Variants in MACF1 observed in about 807,000 individuals in gnomAD.
MACF1 encodes microtubule actin crosslinking factor 1.
MACF1 carries 193 observed loss-of-function variants against 854.8 expected under a neutral mutation model. The ratio of observed to expected loss-of-function variants is 0.23; its 90% CI spans 0.20 to 0.25. MACF1 has a LOEUF of 0.25. MACF1 is among the 10% of genes least tolerant of loss of function. The pLI, the probability that MACF1 is intolerant of heterozygous loss-of-function variation, is 1.00. For missense variants in MACF1, 7,722 were observed against 8,929.1 expected, an observed-to-expected ratio of 0.86 and a Z score of 5.45; for synonymous variants, 3,185 against 3,226.7, an observed-to-expected ratio of 0.99 and a Z score of 0.44.
chr1:39,108,712 A>G (rs934735132), intron 2 of MACF1, among the ~76,000 whole-genome samples: 2 of 152,160 alleles, frequency 1.3e-5, no homozygotes, highest in Non-Finnish European at 2.9e-5. Flanking sequence ...CAGGTCACAT[A>G]TGAGCATAGT....
At chr1:39,288,516 C>T (rs1392100405) in intron 15 of MACF1, among the ~76,000 whole-genome samples, 2 of 145,202 alleles carry the variant, frequency 1.4e-5, no homozygotes, top group African/African-American at 5.0e-5. Flanking sequence ...AAAAAAAGTA[C>T]AGGCTGGGCG....
intron 58 of MACF1, among the ~76,000 whole-genome samples, chr1:39,403,851 G>A (rs951237732): frequency 6.6e-6 from 1 of 151,744 alleles, no homozygotes; most frequent in African/African-American, 2.4e-5. Context: ...CGGGGGGGCC[G>A]GGCTTCGTGG....
chr1:39,469,759 ACTC>A lies in MACF1; in HGVS notation c.21958+145_21958+147del, dbSNP rs1170339668. On this transcript the variant is annotated intron_variant, in intron 97 of 100. Coordinates refer to ENST00000564288, the MANE Select transcript of MACF1 (RefSeq NM_001394062.1). ...TGGCCAAACCATAGCTTTTCTAACTACTCAAGTTGATGGTGCATAAAATACTGT... is the reference window on the plus strand; with the variant it reads ...TGGCCAAACCATAGCTTTTCTAACTAAAGTTGATGGTGCATAAAATACTGT... 3 of 666,920 alleles carry A rather than the reference ACTC, an allele frequency of 4.5e-6. No homozygotes were observed. The African/African-American group carries it at 5.4e-5, about 12-fold the overall frequency. The allele number at this position is 666,920 out of a possible 1,614,324, so 41.3% of individuals were successfully genotyped here.
At chr1:39,285,475 C>T (rs571438009) in intron 13 of MACF1, 85 bp downstream of exon 13, 13 of 1,524,558 alleles carry the variant, frequency 8.5e-6, no homozygotes, top group Non-Finnish European at 1.1e-5. Context: ...AGTTAGCAAT[C>T]GAGGAATCCA....
intron 2 of MACF1, among the ~76,000 whole-genome samples, chr1:39,178,112 G>T (rs1644055430): frequency 6.7e-6 from 1 of 150,320 alleles, no homozygotes; most frequent in East Asian, 2.0e-4. Flanking sequence ...GGTTATATTT[G>T]TGTCCTCAGT....
intron 5 of MACF1, chr1:39,257,526 TCTC>T (rs1645111177): frequency 1.2e-5 from 2 of 164,256 alleles, no homozygotes; most frequent in African/African-American, 4.8e-5. Context: ...ATGGTCTCGA[TCTC>T]CTGACCTCGT....
Position 39,435,695 on chromosome 1 carries a change from C to A in MACF1, c.17922C>A (p.Ala5974=). 6.2e-7 allele frequency: 1 copy of A among 1,614,026 alleles called. No individual in the cohort carries two copies. The highest frequency in any genetic ancestry group is 1.1e-5 in the South Asian group (1 of 91,070). Residue 5974 remains alanine (A), a synonymous_variant, in exon 70 of 101, where the codon GCC becomes GCA. Coordinates refer to ENST00000564288, the MANE Select transcript of MACF1 (RefSeq NM_001394062.1). ...EKYQKAENMY[A]QIKEEVRQRA... ...ACCAGAAAGCAGAAAACATGTATGC[C>A]CAAATAAAGGAGGAGGTGCGCCAGC...
intron 58 of MACF1, chr1:39,414,379 G>A (rs906560309): frequency 8.1e-6 from 13 of 1,613,862 alleles, no homozygotes; most frequent in African/African-American, 5.3e-5. Context: ...GATCAAGGAG[G>A]ACCTTGATTC....
In MACF1 at chr1:39,310,878, A is replaced by C; in HGVS notation, c.3148A>C (p.Asn1050His). The C allele has an allele frequency of 1.2e-6, 2 of 1,614,144 alleles. No homozygotes were observed. The highest frequency in any genetic ancestry group is 1.7e-6 in the Non-Finnish European group (2 of 1,180,002). Residue 1050 changes from asparagine to histidine, a missense_variant, in exon 26 of 101, where the codon AAC becomes CAC. Physicochemically the swap from Asn to His is moderately conservative, Grantham distance 68. Coordinates refer to ENST00000564288, the MANE Select transcript of MACF1 (RefSeq NM_001394062.1). ...CAAGATGTACATTTCAGAGTTGAAG[A>C]ACATCCGGCTACGCCTGGAGGAGTA... ...VAKMYISELK[N>H]IRLRLEEYEQ...
intron 58 of MACF1, among the ~76,000 whole-genome samples, chr1:39,389,389 T>C (rs1641942966): frequency 1.4e-5 from 2 of 138,110 alleles, no homozygotes; most frequent in South Asian, 2.4e-4. Context: ...AGACAGAGTC[T>C]TGCTCTGTAG....
chr1:39,226,531 G>A (rs1457480621), intron 1 of MACF1, among the ~76,000 whole-genome samples: 1 of 152,036 alleles, frequency 6.6e-6, no homozygotes, highest in Admixed American at 6.6e-5. Flanking sequence ...AGTAGAGACG[G>A]GGTTTTACTA....
intron 56 of MACF1, among the ~76,000 whole-genome samples, chr1:39,382,571 G>T (rs1309972878): frequency 1.3e-5 from 2 of 151,820 alleles, no homozygotes; most frequent in African/African-American, 2.4e-5. Context: ...AGGCGTGGTG[G>T]CATGTGCCTG....
chr1:39,382,690 A>G (rs567542695), intron 56 of MACF1, among the ~76,000 whole-genome samples: 4 of 140,512 alleles, frequency 2.8e-5, no homozygotes, highest in African/African-American at 1.3e-4. Context: ...TCAAAAAAAA[A>G]AAAAATTTTT....
chr1:39,382,675 C>T (rs6668369), intron 56 of MACF1, among the ~76,000 whole-genome samples: 1 of 148,314 alleles, frequency 6.7e-6, no homozygotes, highest in Admixed American at 6.6e-5. Flanking sequence ...GAGCGTGACT[C>T]CGTCTCAAAA....
At chr1:39,154,204 A>C (rs983228157) in intron 2 of MACF1, 23 of 152,180 alleles carry the variant, frequency 1.5e-4, no homozygotes, top group African/African-American at 3.9e-4. Flanking sequence ...AGACACTGCC[A>C]TTTCTACTAT....
Position 39,350,981 on chromosome 1 carries a change from A to G in MACF1, c.11162A>G (p.Glu3721Gly), listed in dbSNP as rs1330913941. The stretch of plus-strand genomic sequence containing the variant: ...CGTGTGGCCCAGAAGGAACTGGAGG[A>G]AGCAGTGACCTCCGCCTTACAGCAG... The part of the protein sequence containing the change: ...ETRVAQKELE[E>G]AVTSALQQET... Residue 3721 changes from glutamate (E) to glycine (G), a missense_variant, in exon 43 of 101, where the codon GAA becomes GGA. By Grantham distance (98) the Glu-to-Gly change is moderately conservative (BLOSUM62 -2). Transcript: ENST00000564288. The G allele has an allele frequency of 6.2e-7, 1 of 1,613,996 alleles. No individual in the cohort carries two copies. The highest frequency in any genetic ancestry group is 1.7e-5 in the Admixed American group (1 of 59,998).
At position 39,415,340 on chromosome 1, in the gene MACF1, T is replaced by A. The variant is rs72928324; in HGVS notation, c.15817-7034T>A. Among the ~76,000 whole-genome samples, 356 of 151,484 alleles carry A rather than the reference T, an allele frequency of 2.4e-3. 2 individuals carry two copies. Among genetic ancestry groups the A allele is most frequent in the African/African-American group, 7.0e-3 (290 of 41,346 alleles). On this transcript the variant is annotated intron_variant, in intron 58 of 100. Coordinates refer to ENST00000564288, the MANE Select transcript of MACF1 (RefSeq NM_001394062.1). Reference sequence around the variant, plus strand: ...TGGCTCTAAGATTCTTTTTATTTTTTTTTTTTAGATGGAGTCTGGCTCTGT... The same window carrying A: ...TGGCTCTAAGATTCTTTTTATTTTTATTTTTTAGATGGAGTCTGGCTCTGT...
chr1:39,433,096 T>C lies in MACF1; in HGVS notation c.17506T>C (p.Phe5836Leu). The C allele has an allele frequency of 6.2e-7, 1 of 1,612,624 alleles. No individual in the cohort carries two copies. The highest frequency in any genetic ancestry group is 8.5e-7 in the Non-Finnish European group (1 of 1,179,194). ...IRHKDSMDEL[F>L]SHRSEIFGTC... ...ACACAAAGATTCAATGGATGAACTC[T>C]TCAGTCACCGTAGTGAAATCTTTGG... Residue 5836 changes from phenylalanine (F) to leucine (L), a missense_variant, in exon 68 of 101, where the codon TTC becomes CTC. This residue lies in a region of MACF1 where 2,807 missense variants were observed against 3,235.8 expected (regional missense o/e 0.87). Transcript: ENST00000564288.
chr1:39,335,253 G>A lies in MACF1; in HGVS notation c.8665G>A (p.Glu2889Lys). Residue 2889 changes from glutamate (E) to lysine (K), a missense_variant, in exon 37 of 101, where the codon GAA (glutamate) becomes AAA (lysine). Physicochemically the swap from Glu to Lys is moderately conservative, Grantham distance 56. Transcript: ENST00000564288. ...GQVSLTHPYS[E>K]CDFKLKEVAR... ...AGTGTCATTGACACACCCTTACTCTGAATGTGATTTTAAACTTAAAGAAGT... is the reference window on the plus strand; with the variant it reads ...AGTGTCATTGACACACCCTTACTCTAAATGTGATTTTAAACTTAAAGAAGT... The A allele has an allele frequency of 6.2e-7, 1 of 1,613,982 alleles. No individual in the cohort carries two copies. The highest frequency in any genetic ancestry group is 8.5e-7 in the Non-Finnish European group (1 of 1,179,908).
Sources: allele counts gnomAD v4.1 joint callset (sites outside exome capture counted in the v4.1 genomes callset), GRCh38; gene constraint gnomAD v4.1.1; regional missense constraint gnomAD v4.1.1; transcripts MANE v1.5; gene names NCBI Gene and HGNC (gene_info 2026-07-23, HGNC 2026-07-21).